Variants in MAF observed in about 807,000 individuals in gnomAD.
The protein encoded by MAF is transcription factor Maf.
Under a neutral mutation model 22.0 loss-of-function variants are expected in MAF, and 10 were observed. The ratio of observed to expected loss-of-function variants is 0.45; its 90% CI spans 0.28 to 0.77. MAF has a LOEUF of 0.77. MAF is among the 30% of genes least tolerant of loss of function. The probability of loss-of-function intolerance (pLI) is 0.12; values close to 1 mark genes in which losing one functional copy is unlikely to be tolerated. For missense variants in MAF, 544 were observed against 548.4 expected (o/e 0.99, Z 0.08); for synonymous variants, 337 against 255.8 (o/e 1.32, Z -3.03).
At chr16:79,495,189 C>T in the MAF span, among the ~76,000 whole-genome samples, 140 of 152,226 alleles carry the variant, frequency 9.2e-4, 2 homozygotes, top group South Asian at 0.011. Context: ...TGGCCAAACT[C>T]GGTGGCTCAT....
At chr16:79,232,986 G>A in the MAF span, among the ~76,000 whole-genome samples, 38 of 151,632 alleles carry the variant, frequency 2.5e-4, 1 homozygote, top group Admixed American at 3.9e-4. Flanking sequence ...GACTACGGGC[G>A]CCCGCCTCCA....
chr16:79,600,275 G>C lies in MAF; in HGVS notation c.-373C>G. 4.3e-6 allele frequency: 1 copy of C among 230,702 alleles called. No individual in the cohort carries two copies. The highest frequency in any genetic ancestry group is 9.0e-6 in the Non-Finnish European group (1 of 110,820). 14.3% of individuals were successfully genotyped at this position (230,702 alleles called of 1,614,324 possible). A position where few individuals can be genotyped will look rare whatever the true frequency, so the allele number is the denominator to read the frequency against. ...CGGCGAAGCTGGAGGAGCCCGGCCC[G>C]GTGCGCGGCGTCCCCCGCTCGCCGC... On this transcript the variant is annotated 5_prime_UTR_variant, in exon 1 of 2. Coordinates refer to ENST00000326043, the MANE Select transcript of MAF (RefSeq NM_005360.5).
chr16:79,315,360 T>A, the MAF span, among the ~76,000 whole-genome samples: 5 of 152,118 alleles, frequency 3.3e-5, no homozygotes, highest in East Asian at 1.9e-4. Context: ...TTTAATTTTT[T>A]AAAAAATATT....
chr16:79,336,465 T>A, the MAF span, among the ~76,000 whole-genome samples: 940 of 152,314 alleles, frequency 6.2e-3, 4 homozygotes, highest in Admixed American at 0.014. Context: ...TCTTCAGGGA[T>A]GCTGGGAGGA....
chr16:79,254,882 C>G, the MAF span, among the ~76,000 whole-genome samples: 1 of 152,188 alleles, frequency 6.6e-6, no homozygotes, highest in Admixed American at 6.5e-5. Context: ...AGTTCGTCAA[C>G]TTGTCTCTGA....
At chr16:79,252,736 C>T in the MAF span, among the ~76,000 whole-genome samples, 4 of 152,116 alleles carry the variant, frequency 2.6e-5, no homozygotes, top group Admixed American at 6.5e-5. Flanking sequence ...GTGATCCGCC[C>T]GCCTCAGGCT....
At chr16:79,357,379 G>T in the MAF span, among the ~76,000 whole-genome samples, 1 of 152,208 alleles carries the variant, frequency 6.6e-6, no homozygotes, top group Non-Finnish European at 1.5e-5. Context: ...GAACTTGGCA[G>T]CCAGAGGTTG....
the MAF span, among the ~76,000 whole-genome samples, chr16:79,423,762 C>T: frequency 2.0e-5 from 3 of 152,198 alleles, no homozygotes; most frequent in Admixed American, 6.5e-5. Context: ...TGGGAACCAG[C>T]AACTTAACTG....
At chr16:79,548,966 T>C in the MAF span, among the ~76,000 whole-genome samples, 1,017 of 152,330 alleles carry the variant, frequency 6.7e-3, 9 homozygotes, top group African/African-American at 0.023. Flanking sequence ...GATGACATCT[T>C]CTACATTAGC....
At chr16:79,589,644 G>C (rs576546267), downstream of MAF, among the ~76,000 whole-genome samples, 13 of 152,204 alleles carry the variant, frequency 8.5e-5, no homozygotes, top group Non-Finnish European at 2.9e-5. Flanking sequence ...GGAGCCTTGC[G>C]GGACCGAGTC....
chr16:79,365,757 T>G, the MAF span, among the ~76,000 whole-genome samples: 1 of 140,452 alleles, frequency 7.1e-6, no homozygotes. Context: ...AGGCCAAATA[T>G]CTCATGGGGT....
chr16:79,472,511 C>G, the MAF span, among the ~76,000 whole-genome samples: 26 of 151,994 alleles, frequency 1.7e-4, no homozygotes, highest in Non-Finnish European at 2.9e-4. Flanking sequence ...GTGAAAGAAG[C>G]CAGGTACAAA....
At chr16:79,202,950 G>GT in the MAF span, 2 of 152,162 alleles carry the variant, frequency 1.3e-5, no homozygotes, top group African/African-American at 2.4e-5. Context: ...ACATACCTTT[G>GT]TAACTTTCTA....
the MAF span, among the ~76,000 whole-genome samples, chr16:79,513,096 C>T: frequency 6.6e-6 from 1 of 152,244 alleles, no homozygotes; most frequent in African/African-American, 2.4e-5. Flanking sequence ...AGCATAAATG[C>T]ACGTGTGCAT....
chr16:79,205,811 G>A, the MAF span: 1 of 152,194 alleles, frequency 6.6e-6, no homozygotes, highest in Non-Finnish European at 1.5e-5. Context: ...AGGAGAGGGA[G>A]TCAGAGGGAT....
At chr16:79,544,801 A>C in the MAF span, among the ~76,000 whole-genome samples, 1 of 151,774 alleles carries the variant, frequency 6.6e-6, no homozygotes, top group Non-Finnish European at 1.5e-5. Flanking sequence ...TGTCAGTAGC[A>C]ACAGACAAAA....
the MAF span, among the ~76,000 whole-genome samples, chr16:79,362,376 C>T: frequency 6.6e-6 from 1 of 152,210 alleles, no homozygotes; most frequent in Admixed American, 6.5e-5. Context: ...ATACGAGTTA[C>T]CCCCACTTTT....
At chr16:79,275,721 C>G in the MAF span, among the ~76,000 whole-genome samples, 15 of 152,140 alleles carry the variant, frequency 9.9e-5, no homozygotes, top group African/African-American at 3.4e-4. Flanking sequence ...AAACTTACAG[C>G]CTCATGATGT....
the MAF span, among the ~76,000 whole-genome samples, chr16:79,397,229 G>T: frequency 6.6e-6 from 1 of 152,208 alleles, no homozygotes; most frequent in African/African-American, 2.4e-5. Flanking sequence ...CAACCATGGG[G>T]CCACATGCAC....
Sources: allele counts gnomAD v4.1 joint callset (sites outside exome capture counted in the v4.1 genomes callset), GRCh38; gene constraint gnomAD v4.1.1; transcripts MANE v1.5; gene names NCBI Gene and HGNC (gene_info 2026-07-23, HGNC 2026-07-21).